MAGI2: variants seen among roughly 807,000 people sequenced by gnomAD.
MAGI2 encodes membrane-associated guanylate kinase, WW and PDZ domain-containing protein 2.
MAGI2 carries 35 observed loss-of-function variants against 133.3 expected under a neutral mutation model. That is an observed-to-expected ratio of 0.26 (90% CI 0.20 to 0.35). The LOEUF (loss-of-function observed/expected upper bound fraction) is 0.35. MAGI2 is among the 10% of genes least tolerant of loss of function. The pLI is 1.00. For synonymous variants in MAGI2, 729 were observed against 710.6 expected, an observed-to-expected ratio of 1.03 and a Z score of -0.41; for missense variants, 1,636 against 1,863.4, an observed-to-expected ratio of 0.88 and a Z score of 2.25.
chr7:78,981,515 C>T (rs1424605815), intron 2 of MAGI2, among the ~76,000 whole-genome samples: 1 of 151,516 alleles, frequency 6.6e-6, no homozygotes, highest in Non-Finnish European at 1.5e-5. Context: ...TTTCATTTCA[C>T]ATTTCCTTTC....
chr7:78,261,715 A>G (rs1793535906), intron 9 of MAGI2, among the ~76,000 whole-genome samples: 1 of 152,148 alleles, frequency 6.6e-6, no homozygotes, highest in Non-Finnish European at 1.5e-5. Flanking sequence ...CATCCTACCA[A>G]TTACATGCAC....
intron 1 of MAGI2, among the ~76,000 whole-genome samples, chr7:79,165,274 A>T (rs1824804174): frequency 1.3e-5 from 2 of 151,788 alleles, no homozygotes. Context: ...AAGTGCCAAA[A>T]GGCAAAACCA....
At chr7:79,131,813 C>T (rs1002569367) in intron 1 of MAGI2, among the ~76,000 whole-genome samples, 1 of 152,038 alleles carries the variant, frequency 6.6e-6, no homozygotes, top group Non-Finnish European at 1.5e-5. Flanking sequence ...TAGTTAAAAT[C>T]ATTTATTTCT....
At chr7:79,067,491 A>G (rs1036057251) in intron 1 of MAGI2, among the ~76,000 whole-genome samples, 2 of 152,200 alleles carry the variant, frequency 1.3e-5, no homozygotes, top group Non-Finnish European at 2.9e-5. Flanking sequence ...TTATCAGCTT[A>G]GGGAGATTCA....
chr7:78,939,693 G>A (rs1800818672), intron 2 of MAGI2, among the ~76,000 whole-genome samples: 1 of 152,148 alleles, frequency 6.6e-6, no homozygotes, highest in Non-Finnish European at 1.5e-5. Context: ...TTTGTGGGAT[G>A]GGGATCTCTC....
At chr7:78,074,935 C>T (rs543081531) in intron 21 of MAGI2, among the ~76,000 whole-genome samples, 15 of 152,318 alleles carry the variant, frequency 9.8e-5, no homozygotes, top group African/African-American at 3.4e-4. Context: ...CTTAGAAAGG[C>T]CAGCTTTCGA....
intron 12 of MAGI2, among the ~76,000 whole-genome samples, chr7:78,185,906 C>T (rs1324051534): frequency 6.6e-6 from 1 of 151,938 alleles, no homozygotes; most frequent in Non-Finnish European, 1.5e-5. Context: ...ATCTGAATTT[C>T]TTTTTAGATC....
intron 1 of MAGI2, among the ~76,000 whole-genome samples, chr7:79,335,977 C>T (rs1286368863): frequency 1.3e-5 from 2 of 152,074 alleles, no homozygotes; most frequent in African/African-American, 2.4e-5. Flanking sequence ...TCACCACTTT[C>T]TTTCAGCACT....
intron 2 of MAGI2, among the ~76,000 whole-genome samples, chr7:78,667,281 T>A (rs192564679): frequency 6.6e-6 from 1 of 151,668 alleles, no homozygotes; most frequent in East Asian, 1.9e-4. Context: ...ACCGATCTGT[T>A]CTCCATCTGT....
At chr7:79,044,622 G>T (rs200234300) in intron 1 of MAGI2, among the ~76,000 whole-genome samples, 2,592 of 152,258 alleles carry the variant, frequency 0.017, 99 homozygotes, top group East Asian at 0.16. Flanking sequence ...AGGAAGAAAG[G>T]AAGTCAAACT....
intron 2 of MAGI2, among the ~76,000 whole-genome samples, chr7:78,970,263 G>A (rs1181328861): frequency 6.6e-6 from 1 of 152,040 alleles, no homozygotes; most frequent in African/African-American, 2.4e-5. Flanking sequence ...TGTTAAGCAA[G>A]TGACTTATTT....
intron 6 of MAGI2, among the ~76,000 whole-genome samples, chr7:78,463,357 C>T (rs9649304): frequency 0.088 from 13,408 of 152,198 alleles, 657 homozygotes; most frequent in East Asian, 0.17. Flanking sequence ...AGATTAAAGA[C>T]AGTAATGTTT....
chr7:79,188,483 T>A (rs965731156), intron 1 of MAGI2, among the ~76,000 whole-genome samples: 2 of 151,898 alleles, frequency 1.3e-5, no homozygotes, highest in Non-Finnish European at 2.9e-5. Flanking sequence ...TGCATAGTAT[T>A]CCATGGTGTA....
At chr7:78,480,636 TATG>T (rs1405314962) in intron 6 of MAGI2, among the ~76,000 whole-genome samples, 4 of 151,944 alleles carry the variant, frequency 2.6e-5, no homozygotes, top group African/African-American at 9.7e-5. Context: ...AGAAATATCT[TATG>T]ATTATATCAG....
chr7:79,157,668 A>AGTT (rs1370220280), intron 1 of MAGI2, among the ~76,000 whole-genome samples: 1 of 151,996 alleles, frequency 6.6e-6, no homozygotes, highest in Non-Finnish European at 1.5e-5. Context: ...TCCTTGCCAG[A>AGTT]GTTTGTATAA....
At chr7:78,035,164 A>G (rs1810051290) in intron 21 of MAGI2, 1 of 153,812 alleles carries the variant, frequency 6.5e-6, no homozygotes, top group Non-Finnish European at 1.4e-5. Flanking sequence ...ATGGGTGCTG[A>G]TGCGGCCTTG....
rs78006312 is a variant in MAGI2, at chr7:78,355,481, C to T, written c.1104-9438G>A. Among the ~76,000 whole-genome samples, 919 of 152,236 alleles carry T rather than the reference C, an allele frequency of 6.0e-3. 22 individuals are homozygous for T. The highest frequency in any genetic ancestry group is 0.058 in the East Asian group (302 of 5,182). On this transcript the variant is annotated intron_variant, in intron 7 of 21. Transcript: ENST00000354212. ...GAGTGGGATGGGAACTAATATTCAC[C>T]GAGCGAATACTATATGCTGACCCTC...
chr7:78,754,870 A>G (rs926348801), intron 2 of MAGI2, among the ~76,000 whole-genome samples: 44 of 152,354 alleles, frequency 2.9e-4, no homozygotes, highest in African/African-American at 8.9e-4. Context: ...ATGAAGGCAA[A>G]TATCCTGATA....
chr7:79,441,588 T>C (rs961874461), intron 1 of MAGI2, among the ~76,000 whole-genome samples: 1 of 152,162 alleles, frequency 6.6e-6, no homozygotes, highest in East Asian at 1.9e-4. Context: ...AGACAGACAG[T>C]ATTTTGCACA....
Sources: allele counts gnomAD v4.1 joint callset (sites outside exome capture counted in the v4.1 genomes callset), GRCh38; gene constraint gnomAD v4.1.1; transcripts MANE v1.5; gene names NCBI Gene and HGNC (gene_info 2026-07-23, HGNC 2026-07-21).